Variants in AKAP9 observed in about 807,000 individuals in gnomAD.
AKAP9 encodes the protein A-kinase anchoring protein 9.
Under a neutral mutation model 488.5 loss-of-function variants are expected in AKAP9, and 311 were observed. The observed-to-expected ratio is 0.64, with a 90% CI of 0.58 to 0.70. The LOEUF (loss-of-function observed/expected upper bound fraction) is 0.70, where lower values mean the gene tolerates loss of function less well. Ranked by LOEUF, AKAP9 falls within the 30% of genes least tolerant of loss-of-function variation. AKAP9 has a pLI of 0.00. For missense variants in AKAP9, 4,215 were observed against 4,374.5 expected, an observed-to-expected ratio of 0.96 and a Z score of 1.03; for synonymous variants, 1,462 against 1,483.5, an observed-to-expected ratio of 0.99 and a Z score of 0.33.
At chr7:92,041,982 T>TAA (rs2130784129) in intron 18 of AKAP9, 64 bp from the exon 19 acceptor site, 1 of 1,570,654 alleles carries the variant, frequency 6.4e-7, no homozygotes, top group East Asian at 2.3e-5. Flanking sequence ...GAAATCTGCT[T>TAA]AATATTTCTA....
At chr7:91,953,369 T>A (rs1243049204) in intron 1 of AKAP9, among the ~76,000 whole-genome samples, 3 of 152,214 alleles carry the variant, frequency 2.0e-5, no homozygotes, top group Non-Finnish European at 4.4e-5. Context: ...AGATTTTGAA[T>A]TGATAATTGT....
At chr7:91,958,137 A>G (rs1481716955) in intron 1 of AKAP9, among the ~76,000 whole-genome samples, 1 of 152,222 alleles carries the variant, frequency 6.6e-6, no homozygotes, top group East Asian at 1.9e-4. Context: ...GGAGCTGATG[A>G]TGGATACCTG....
chr7:92,101,114 A>ATTTAAGG lies in AKAP9; in HGVS notation c.11097+59_11097+60insTTAAGGT, dbSNP rs2130909975. The ATTTAAGG allele has an allele frequency of 2.6e-6, 4 of 1,535,128 alleles. No individual in the cohort carries two copies. In the South Asian group the frequency reaches 4.7e-5, roughly 18 times the overall value. On this transcript the variant is annotated intron_variant, in intron 45 of 49. Coordinates refer to ENST00000356239, the MANE Select transcript of AKAP9 (RefSeq NM_005751.5). ...TGGTTCTATGTTTTTGCCTTCTTTCATCTCTCACTGACCTTAAATAAACAG... is the reference window on the plus strand; with the variant it reads ...TGGTTCTATGTTTTTGCCTTCTTTCATTTAAGGTCTCTCACTGACCTTAAATAAACAG...
chr7:92,020,487 C>T (rs1000083763), intron 12 of AKAP9, among the ~76,000 whole-genome samples: 2 of 152,148 alleles, frequency 1.3e-5, no homozygotes, highest in African/African-American at 2.4e-5. Flanking sequence ...CCTTGCTTAT[C>T]GCGTTTCTCT....
Position 92,084,845 on chromosome 7 carries a change from A to AT in AKAP9, c.8740dup (p.Tyr2914LeufsTer9). On this transcript the variant is annotated frameshift_variant, in exon 35 of 50. Coordinates refer to ENST00000356239, the MANE Select transcript of AKAP9 (RefSeq NM_005751.5). LOFTEE classifies it high-confidence loss of function. The stretch of plus-strand genomic sequence containing the variant: ...TTCTGGATCAGACTGGGGTCAGGGA[A>AT]TTTATCTTACACACAGTCAGGGATT... 1 of 1,613,490 alleles carries AT rather than the reference A, an allele frequency of 6.2e-7. No individual in the cohort carries two copies. The highest frequency in any genetic ancestry group is 8.5e-7 in the Non-Finnish European group (1 of 1,179,694).
At chr7:92,022,141 TA>T in intron 12 of AKAP9, 96 bp from the exon 13 acceptor site, 1 of 989,064 alleles carries the variant, frequency 1.0e-6, no homozygotes, top group East Asian at 2.4e-5. Context: ...TGGGTGGTTT[TA>T]AAAAAGCATC....
At chr7:91,981,603 CT>C (rs532220900) in intron 3 of AKAP9, among the ~76,000 whole-genome samples, 44,239 of 106,584 alleles carry the variant, frequency 0.42, 8,404 homozygotes, top group East Asian at 0.71. Context: ...TCTTGTATTT[CT>C]TTTTTTTTTT....
chr7:91,998,976 T>G (rs1435654084), intron 7 of AKAP9, among the ~76,000 whole-genome samples: 1 of 152,118 alleles, frequency 6.6e-6, no homozygotes, highest in Non-Finnish European at 1.5e-5. Flanking sequence ...AGTGCAGAGT[T>G]TGAAGTAAGA....
Position 92,002,133 on chromosome 7 carries a change from G to C in AKAP9, c.2216G>C (p.Gly739Ala). The change falls in exon 8 of 50, where the codon GGT becomes GCT. Residue 739 changes from glycine (G) to alanine (A), a missense_variant. Transcript: ENST00000356239. ...EILRQEEKEKGTLEQEVQELQ... is the reference protein window; with the variant it reads ...EILRQEEKEKATLEQEVQELQ... ...CTCAGACAAGAAGAAAAAGAAAAGG[G>C]TACACTTGAACAAGAAGTTCAAGAA... 1 of 1,594,032 alleles carries C rather than the reference G, an allele frequency of 6.3e-7. No individual in the cohort carries two copies. The highest frequency in any genetic ancestry group is 8.5e-7 in the Non-Finnish European group (1 of 1,173,974).
At chr7:92,104,437 C>T (rs1415029638) in intron 46 of AKAP9, among the ~76,000 whole-genome samples, 1 of 151,996 alleles carries the variant, frequency 6.6e-6, no homozygotes, top group Non-Finnish European at 1.5e-5. Context: ...ATGATCCGCC[C>T]GCCTCGGCCT....
At chr7:92,080,326 C>T (rs1449938195) in intron 31 of AKAP9, among the ~76,000 whole-genome samples, 174 bp downstream of exon 31, 4 of 152,062 alleles carry the variant, frequency 2.6e-5, no homozygotes, top group Admixed American at 2.6e-4. Flanking sequence ...AGGACAGGCG[C>T]GGTGGCCCAC....
intron 17 of AKAP9, 29 bp from the exon 18 acceptor site, chr7:92,040,645 T>TG (rs1805930876): frequency 1.6e-6 from 2 of 1,279,988 alleles, no homozygotes; most frequent in African/African-American, 1.8e-5. Context: ...ATGGTTGAAT[T>TG]GTTTTTTTTT....
chr7:92,009,227 C>CA (rs1384504373), intron 8 of AKAP9, among the ~76,000 whole-genome samples: 1 of 152,062 alleles, frequency 6.6e-6, no homozygotes, highest in Non-Finnish European at 1.5e-5. Flanking sequence ...GCCTGGGTGA[C>CA]AGAGTGAGAC....
At chr7:92,107,607 C>A (rs10257832) in intron 48 of AKAP9, 185 bp downstream of exon 48, 5 of 579,400 alleles carry the variant, frequency 8.6e-6, no homozygotes, top group Non-Finnish European at 1.5e-5. Flanking sequence ...GAGGCTGAGG[C>A]GGGCAGATCA....
chr7:91,941,697 A>G (rs978409596), intron 1 of AKAP9, among the ~76,000 whole-genome samples: 1 of 152,076 alleles, frequency 6.6e-6, no homozygotes, highest in Admixed American at 6.6e-5. Context: ...GGGCGTTTTT[A>G]GAAGCGTGTC....
At chr7:92,018,295 G>A (rs930038180) in intron 12 of AKAP9, among the ~76,000 whole-genome samples, 1 of 151,938 alleles carries the variant, frequency 6.6e-6, no homozygotes, top group Non-Finnish European at 1.5e-5. Context: ...TGAGGTGGGA[G>A]GATCACTTGA....
chr7:91,999,077 T>C (rs772482830), intron 7 of AKAP9, among the ~76,000 whole-genome samples: 4 of 152,184 alleles, frequency 2.6e-5, no homozygotes, highest in Admixed American at 6.5e-5. Context: ...AGAGGCTGCA[T>C]AGGATAACAT....
Position 91,988,297 on chromosome 7 carries a change from CAAAAAAAAAAAAAAAAA to C in AKAP9, c.352-3849_352-3833del, listed in dbSNP as rs5885797. 9.3e-5 allele frequency among the ~76,000 whole-genome samples: 5 copies of C among 53,674 alleles called. No homozygotes were observed. The East Asian group carries it at 5.1e-3, about 55-fold the overall frequency. 35.2% of individuals were successfully genotyped at this position (53,674 alleles called of 152,430 possible). A position where few individuals can be genotyped will look rare whatever the true frequency, so the allele number is the denominator to read the frequency against. On this transcript the variant is annotated intron_variant, in intron 3 of 49. Transcript: ENST00000356239. The stretch of plus-strand genomic sequence containing the variant: ...TTGGTGACAGAGCAAGACCCCCTCT[CAAAAAAAAAAAAAAAAA>C]AAAAAAAAAAAGCTAGGTGATAGTG...
intron 27 of AKAP9, 78 bp from the exon 28 acceptor site, chr7:92,070,827 C>T: frequency 3.1e-6 from 2 of 648,450 alleles, no homozygotes; most frequent in Non-Finnish European, 2.3e-6. Flanking sequence ...AAAAAAAAAG[C>T]AGACCAAAAA....
Sources: allele counts gnomAD v4.1 joint callset (sites outside exome capture counted in the v4.1 genomes callset), GRCh38; gene constraint gnomAD v4.1.1; transcripts MANE v1.5; gene names NCBI Gene and HGNC (gene_info 2026-07-23, HGNC 2026-07-21).